Variants in SEMA6D observed in about 807,000 individuals in gnomAD.
The protein encoded by SEMA6D is semaphorin-6D.
In SEMA6D, 35 loss-of-function variants were observed where a neutral mutation model predicts 106.6. The ratio of observed to expected loss-of-function variants is 0.33; its 90% CI spans 0.25 to 0.44. The LOEUF is 0.44. Ranked by LOEUF, SEMA6D falls within the 20% of genes least tolerant of loss-of-function variation. SEMA6D has a pLI of 1.00. For synonymous variants in SEMA6D, 499 were observed against 487.7 expected (o/e 1.02, Z -0.31); for missense variants, 1,185 against 1,345.9 (o/e 0.88, Z 1.87).
At chr15:47,228,097 A>G (rs952689067) in intron 1 of SEMA6D, among the ~76,000 whole-genome samples, 10 of 144,060 alleles carry the variant, frequency 6.9e-5, no homozygotes, top group Non-Finnish European at 3.0e-5. Flanking sequence ...CATACATCAT[A>G]TATTTTATAT....
Position 47,352,334 on chromosome 15 carries a change from G to A in SEMA6D, c.-238-60059G>A, listed in dbSNP as rs60204369. Among the ~76,000 whole-genome samples, 440 of 152,316 alleles carry A rather than the reference G, an allele frequency of 2.9e-3. 3 individuals are homozygous for A. Among genetic ancestry groups the A allele is most frequent in the African/African-American group, 0.01 (421 of 41,560 alleles). Reference sequence around the variant, plus strand: ...ACTCAATATTAAAGTAGGAGAAGGTGTTGAAGATAAGATGTCTTATCTAGA... The same window carrying A: ...ACTCAATATTAAAGTAGGAGAAGGTATTGAAGATAAGATGTCTTATCTAGA... On this transcript the variant is annotated intron_variant, in intron 1 of 19. Transcript: ENST00000558014.
At chr15:47,469,825 G>A (rs2042776948) in intron 2 of SEMA6D, among the ~76,000 whole-genome samples, 1 of 152,034 alleles carries the variant, frequency 6.6e-6, no homozygotes, top group Non-Finnish European at 1.5e-5. Context: ...TATTAAAAGT[G>A]TTATTATTTA....
At chr15:47,698,078 G>A (rs1401569408) in intron 4 of SEMA6D, among the ~76,000 whole-genome samples, 2 of 152,180 alleles carry the variant, frequency 1.3e-5, no homozygotes. Flanking sequence ...ACATATGCTT[G>A]TAGGATAATT....
chr15:47,525,025 C>G (rs2044706707), intron 3 of SEMA6D: 1 of 152,166 alleles, frequency 6.6e-6, no homozygotes, highest in Non-Finnish European at 1.5e-5. Context: ...TTGTTTCTGC[C>G]TTTGTTCCTC....
At chr15:47,664,832 A>G (rs750905691) in intron 4 of SEMA6D, among the ~76,000 whole-genome samples, 2 of 152,150 alleles carry the variant, frequency 1.3e-5, no homozygotes, top group East Asian at 1.9e-4. Flanking sequence ...AGTTCCCCCA[A>G]TCAACTCTGC....
chr15:47,192,251 A>G (rs764613719), intron 1 of SEMA6D, among the ~76,000 whole-genome samples: 23 of 152,272 alleles, frequency 1.5e-4, no homozygotes, highest in East Asian at 3.9e-4. Context: ...AGGAACTTCC[A>G]TTGACACTCA....
At position 47,766,135 on chromosome 15, in the gene SEMA6D, T is replaced by C; in HGVS notation, c.1599T>C (p.Cys533=). The change falls in exon 15 of 19, where the codon TGT becomes TGC. Residue 533 remains cysteine, a synonymous_variant. Transcript: ENST00000536845. Reference sequence around the variant, plus strand: ...GTATTGCATCTCGTGACCCGTATTGTGGCTGGTTAAGCCAGGGATCCTGTG... The same window carrying C: ...GTATTGCATCTCGTGACCCGTATTGCGGCTGGTTAAGCCAGGGATCCTGTG... ...KSCIASRDPY[C]GWLSQGSCGR... is the part of the protein sequence containing the mutation. 2 of 1,613,706 alleles carry C rather than the reference T, an allele frequency of 1.2e-6. No individual in the cohort carries two copies. Among genetic ancestry groups the C allele is most frequent in the Non-Finnish European group, 1.7e-6 (2 of 1,179,730 alleles).
At chr15:47,561,012 G>T (rs141643802) in intron 3 of SEMA6D, among the ~76,000 whole-genome samples, 1 of 150,826 alleles carries the variant, frequency 6.6e-6, no homozygotes, top group African/African-American at 2.4e-5. Context: ...AAATCACCCA[G>T]TTCCTAGTAT....
At chr15:47,315,997 T>TG (rs973602326) in intron 1 of SEMA6D, among the ~76,000 whole-genome samples, 2 of 151,464 alleles carry the variant, frequency 1.3e-5, no homozygotes, top group Admixed American at 6.6e-5. Flanking sequence ...GGGTTTTTTT[T>TG]TGTGTGTGTG....
intron 3 of SEMA6D, among the ~76,000 whole-genome samples, chr15:47,594,705 A>G (rs1418495695): frequency 6.6e-6 from 1 of 152,226 alleles, no homozygotes; most frequent in Non-Finnish European, 1.5e-5. Context: ...AGAAAAGTAT[A>G]ATTTATAGTT....
rs190268131 is a variant in SEMA6D, at chr15:47,474,179, G to T, written c.-87+3634G>T. Reference sequence around the variant, plus strand: ...CTGTCAGCTTGTCGCCTTGCTTTTGGACTCATGGAGTGAACTGAGTTGAGA... The same window carrying T: ...CTGTCAGCTTGTCGCCTTGCTTTTGTACTCATGGAGTGAACTGAGTTGAGA... On this transcript the variant is annotated intron_variant, in intron 3 of 19. Transcript: ENST00000558014. Among the ~76,000 whole-genome samples, 88 of 152,260 alleles carry T rather than the reference G, an allele frequency of 5.8e-4. 1 individual carries two copies. The highest frequency in any genetic ancestry group is 5.4e-3 in the Admixed American group (82 of 15,290).
chr15:47,280,494 A>G (rs1230273019), intron 1 of SEMA6D, among the ~76,000 whole-genome samples: 3 of 138,064 alleles, frequency 2.2e-5, no homozygotes, highest in Non-Finnish European at 4.6e-5. Flanking sequence ...GGATTCATTA[A>G]TTTTTTGAAG....
intron 3 of SEMA6D, among the ~76,000 whole-genome samples, chr15:47,582,371 G>A (rs1447727795): frequency 1.3e-5 from 2 of 152,128 alleles, no homozygotes; most frequent in Non-Finnish European, 2.9e-5. Flanking sequence ...TTTCTTAGAT[G>A]GATTGACACT....
chr15:47,741,806 G>A (rs1395118784), intron 1 of SEMA6D, among the ~76,000 whole-genome samples: 2 of 152,182 alleles, frequency 1.3e-5, no homozygotes, highest in African/African-American at 2.4e-5. Flanking sequence ...TTTTCTATTT[G>A]GGCCTGGGAA....
At chr15:47,752,379 G>T (rs2147370939) in intron 1 of SEMA6D, among the ~76,000 whole-genome samples, 1 of 152,304 alleles carries the variant, frequency 6.6e-6, no homozygotes, top group East Asian at 1.9e-4. Context: ...GTTGCCTTTA[G>T]GTACTTGTAG....
At chr15:47,383,977 T>G (rs2039730834) in intron 1 of SEMA6D, among the ~76,000 whole-genome samples, 1 of 152,126 alleles carries the variant, frequency 6.6e-6, no homozygotes, top group South Asian at 2.1e-4. Context: ...ACACATAGAG[T>G]GTTTTTCCAC....
chr15:47,471,875 G>A (rs114601325), intron 3 of SEMA6D, among the ~76,000 whole-genome samples: 2,336 of 150,994 alleles, frequency 0.015, 45 homozygotes, highest in African/African-American at 0.036. Flanking sequence ...CCAACCTCCG[G>A]TGATCAGAGT....
At chr15:47,295,758 C>G (rs914009339) in intron 1 of SEMA6D, among the ~76,000 whole-genome samples, 2 of 152,180 alleles carry the variant, frequency 1.3e-5, no homozygotes, top group African/African-American at 4.8e-5. Flanking sequence ...TTTGCTTTGA[C>G]ATATAGTTGG....
At chr15:47,639,611 AC>A (rs1203160899) in intron 4 of SEMA6D, among the ~76,000 whole-genome samples, 1 of 152,206 alleles carries the variant, frequency 6.6e-6, no homozygotes, top group African/African-American at 2.4e-5. Flanking sequence ...GAAAAACCTG[AC>A]AAACATTACC....
Sources: allele counts gnomAD v4.1 joint callset (sites outside exome capture counted in the v4.1 genomes callset), GRCh38; gene constraint gnomAD v4.1.1; transcripts MANE v1.5; gene names NCBI Gene and HGNC (gene_info 2026-07-23, HGNC 2026-07-21).